LUZP2: variants seen among roughly 807,000 people sequenced by gnomAD.
LUZP2 encodes leucine zipper protein 2.
Under a neutral mutation model 51.6 loss-of-function variants are expected in LUZP2, and 52 were observed. The ratio of observed to expected loss-of-function variants is 1.01; its 90% confidence interval spans 0.81 to 1.27. The LOEUF (loss-of-function observed/expected upper bound fraction) is 1.27, where lower values mean the gene tolerates loss of function less well. Among genes scored for constraint, LUZP2 ranks in the 50% most tolerant of loss-of-function variants. LUZP2 has a pLI of 0.00. For missense variants in LUZP2, 436 were observed against 395.4 expected (o/e 1.10, Z -0.87); for synonymous variants, 154 against 137.3 (o/e 1.12, Z -0.85).
At chr11:24,855,437 A>G (rs1242856608) in intron 5 of LUZP2, among the ~76,000 whole-genome samples, 4 of 152,206 alleles carry the variant, frequency 2.6e-5, no homozygotes, top group Non-Finnish European at 5.9e-5. Flanking sequence ...CCGTAAGGAA[A>G]CTACTAAAAC....
chr11:24,714,636 A>G (rs1370288486), intron 1 of LUZP2, among the ~76,000 whole-genome samples: 1 of 152,236 alleles, frequency 6.6e-6, no homozygotes, highest in Admixed American at 6.5e-5. Context: ...CATCTACAAC[A>G]GCAGAAGTAT....
chr11:24,778,791 G>C (rs536656753), intron 5 of LUZP2, among the ~76,000 whole-genome samples: 1 of 152,244 alleles, frequency 6.6e-6, no homozygotes, highest in South Asian at 2.1e-4. Flanking sequence ...GAATATCACT[G>C]GTAAAATAAG....
At chr11:25,050,933 T>A (rs1217632501) in intron 10 of LUZP2, among the ~76,000 whole-genome samples, 14 of 152,182 alleles carry the variant, frequency 9.2e-5, no homozygotes, top group Admixed American at 9.2e-4. Context: ...AAAAGTGCAA[T>A]GGAATTTTAT....
At chr11:24,698,653 T>C (rs994838077) in intron 1 of LUZP2, among the ~76,000 whole-genome samples, 13 of 152,234 alleles carry the variant, frequency 8.5e-5, no homozygotes, top group African/African-American at 3.1e-4. Context: ...TTCTGCTGTA[T>C]AATTGTTGAT....
chr11:25,047,340 ATTT>A (rs201926297), intron 9 of LUZP2, among the ~76,000 whole-genome samples: 2 of 14,362 alleles, frequency 1.4e-4, no homozygotes, highest in Admixed American at 9.4e-4. Flanking sequence ...TATTTTTTTT[ATTT>A]TTTTTTTTTT....
chr11:24,529,190 G>T (rs563099051), intron 1 of LUZP2, among the ~76,000 whole-genome samples: 1 of 151,030 alleles, frequency 6.6e-6, no homozygotes, highest in South Asian at 2.1e-4. Flanking sequence ...GCATAAGACA[G>T]GATCTATGTC....
intron 7 of LUZP2, among the ~76,000 whole-genome samples, chr11:24,922,823 ATCTTTTTTTTTT>A (rs1274712887): frequency 0.24 from 20,991 of 87,830 alleles, 5,105 homozygotes; most frequent in East Asian, 0.5. Flanking sequence ...GCACAGTTAT[ATCTTTTTTTTTT>A]TCTTTTTTTT....
At chr11:24,921,477 C>A (rs773904825) in intron 7 of LUZP2, among the ~76,000 whole-genome samples, 1 of 152,012 alleles carries the variant, frequency 6.6e-6, no homozygotes, top group Admixed American at 6.6e-5. Context: ...GAGAAGATGG[C>A]GGGAATTGCC....
At chr11:24,706,548 G>C (rs1441419463) in intron 1 of LUZP2, among the ~76,000 whole-genome samples, 3 of 152,034 alleles carry the variant, frequency 2.0e-5, no homozygotes, top group Non-Finnish European at 1.5e-5. Flanking sequence ...TCTCTCAGTT[G>C]TCTAATATCT....
intron 1 of LUZP2, among the ~76,000 whole-genome samples, chr11:24,589,252 G>A (rs1853178583): frequency 6.6e-6 from 1 of 152,018 alleles, no homozygotes. Context: ...CAGGTCTTCT[G>A]CTTCCTCCAG....
intron 9 of LUZP2, among the ~76,000 whole-genome samples, chr11:25,033,685 C>A (rs905082221): frequency 6.6e-6 from 1 of 152,128 alleles, no homozygotes; most frequent in African/African-American, 2.4e-5. Flanking sequence ...ATTTGGTTTT[C>A]TGTTCCCATG....
At chr11:24,924,291 TGGTCTC>T (rs1350079706) in intron 7 of LUZP2, among the ~76,000 whole-genome samples, 1 of 152,062 alleles carries the variant, frequency 6.6e-6, no homozygotes, top group African/African-American at 2.4e-5. Flanking sequence ...TTGGCAAGGA[TGGTCTC>T]GGTCTCCTGA....
At chr11:24,563,554 G>T (rs78059216) in intron 1 of LUZP2, among the ~76,000 whole-genome samples, 274 of 151,956 alleles carry the variant, frequency 1.8e-3, no homozygotes, top group African/African-American at 6.4e-3. Context: ...ATCAAATTTC[G>T]TATAGTTTAG....
intron 5 of LUZP2, among the ~76,000 whole-genome samples, chr11:24,776,970 AT>A (rs1483906214): frequency 1.3e-5 from 2 of 148,258 alleles, no homozygotes; most frequent in Non-Finnish European, 3.0e-5. Flanking sequence ...CAAGGGTTCC[AT>A]CCCCTTGGTG....
intron 9 of LUZP2, among the ~76,000 whole-genome samples, chr11:25,046,349 T>A (rs1191268759): frequency 6.6e-6 from 1 of 152,086 alleles, no homozygotes; most frequent in African/African-American, 2.4e-5. Flanking sequence ...GTTCTAAACA[T>A]AATACTGTTG....
At chr11:24,644,000 T>A (rs1242296498) in intron 1 of LUZP2, among the ~76,000 whole-genome samples, 1 of 152,206 alleles carries the variant, frequency 6.6e-6, no homozygotes, top group Non-Finnish European at 1.5e-5. Flanking sequence ...ATTCTCTCTT[T>A]CACATGATAC....
chr11:24,500,021 C>A (rs1426240321), intron 1 of LUZP2, among the ~76,000 whole-genome samples: 1 of 152,166 alleles, frequency 6.6e-6, no homozygotes, highest in East Asian at 1.9e-4. Flanking sequence ...TTTAAATAGA[C>A]ATTTTTGAAT....
At chr11:25,015,852 G>A (rs1341816462) in intron 9 of LUZP2, among the ~76,000 whole-genome samples, 2 of 148,010 alleles carry the variant, frequency 1.4e-5, no homozygotes, top group African/African-American at 5.0e-5. Flanking sequence ...GTATCAGTGG[G>A]TTTTGGTTAC....
rs143388722 is a variant in LUZP2, at chr11:24,781,814, C to T, written c.396+18506C>T. On this transcript the variant is annotated intron_variant, in intron 5 of 11. Transcript: ENST00000336930. ...CTTATAATATCTTCCTTACCCAATA[C>T]ATTAAAAAAATTAGATGTCCTCCCC... Among the ~76,000 whole-genome samples, 791 of 152,042 alleles carry T rather than the reference C, an allele frequency of 5.2e-3. 5 individuals carry two copies. The highest frequency in any genetic ancestry group is 7.0e-3 in the Non-Finnish European group (474 of 67,942).
Sources: allele counts gnomAD v4.1 joint callset (sites outside exome capture counted in the v4.1 genomes callset), GRCh38; gene constraint gnomAD v4.1.1; transcripts MANE v1.5; gene names NCBI Gene and HGNC (gene_info 2026-07-23, HGNC 2026-07-21).